Variants in PDE4D observed in about 807,000 individuals in gnomAD.
PDE4D encodes the protein phosphodiesterase 4D, also known as 3',5'-cyclic-AMP phosphodiesterase 4D.
PDE4D carries 24 observed loss-of-function variants against 87.4 expected under a neutral mutation model. The ratio of observed to expected loss-of-function variants is 0.27; its 90% CI spans 0.20 to 0.39. The LOEUF (loss-of-function observed/expected upper bound fraction) is 0.39. Ranked by LOEUF, PDE4D falls within the 10% of genes least tolerant of loss-of-function variation. PDE4D has a pLI of 1.00. For missense variants in PDE4D, 714 were observed against 1,041.0 expected (o/e 0.69, Z 4.32); for synonymous variants, 384 against 383.2 (o/e 1.00, Z -0.02).
At chr5:59,373,616 T>G (rs1420789407) in intron 1 of PDE4D, among the ~76,000 whole-genome samples, 1 of 151,960 alleles carries the variant, frequency 6.6e-6, no homozygotes, top group African/African-American at 2.4e-5. Context: ...TATTTCAGAG[T>G]GTTATCCATG....
intron 1 of PDE4D, among the ~76,000 whole-genome samples, chr5:59,881,336 T>C (rs1180455242): frequency 6.6e-6 from 1 of 152,146 alleles, no homozygotes; most frequent in African/African-American, 2.4e-5. Context: ...ACATTGAAAT[T>C]AGTATCTAAT....
chr5:60,231,343 A>G (rs1291853953), intron 1 of PDE4D, among the ~76,000 whole-genome samples: 2 of 151,992 alleles, frequency 1.3e-5, no homozygotes, highest in African/African-American at 2.4e-5. Flanking sequence ...CTATTGTTCT[A>G]TTGAGGTTGC....
intron 1 of PDE4D, among the ~76,000 whole-genome samples, chr5:59,763,558 A>C (rs1178247960): frequency 6.6e-6 from 1 of 152,164 alleles, no homozygotes; most frequent in Non-Finnish European, 1.5e-5. Flanking sequence ...TAGGCCTTAC[A>C]CCCCAAAACT....
intron 1 of PDE4D, among the ~76,000 whole-genome samples, chr5:59,761,448 TG>T (rs1761956003): frequency 6.6e-6 from 1 of 152,330 alleles, no homozygotes; most frequent in South Asian, 2.1e-4. Flanking sequence ...TTTAATTTTT[TG>T]GCTCTTTTGT....
At chr5:59,734,961 A>G (rs1332394076) in intron 1 of PDE4D, among the ~76,000 whole-genome samples, 1 of 152,192 alleles carries the variant, frequency 6.6e-6, no homozygotes, top group Non-Finnish European at 1.5e-5. Context: ...GGAATTACAT[A>G]CTTTCACAAG....
chr5:60,165,526 T>G (rs553833888), intron 2 of PDE4D, among the ~76,000 whole-genome samples: 30 of 151,938 alleles, frequency 2.0e-4, no homozygotes, highest in African/African-American at 7.0e-4. Flanking sequence ...ATTTTAAAAT[T>G]TCTTTACTTC....
At chr5:60,439,752 G>A (rs573268667) in intron 1 of PDE4D, among the ~76,000 whole-genome samples, 1 of 151,978 alleles carries the variant, frequency 6.6e-6, no homozygotes, top group East Asian at 1.9e-4. Context: ...TGCCAGTTGA[G>A]CCCCGGCCAT....
intron 1 of PDE4D, chr5:59,216,622 C>T (rs1215327507): frequency 1.3e-5 from 2 of 154,678 alleles, no homozygotes; most frequent in Non-Finnish European, 2.9e-5. Flanking sequence ...CCAGTCTAAC[C>T]ATCTGCTCTC....
intron 1 of PDE4D, among the ~76,000 whole-genome samples, chr5:60,198,606 T>C (rs573658783): frequency 6.6e-6 from 1 of 151,678 alleles, no homozygotes; most frequent in Non-Finnish European, 1.5e-5. Context: ...ATAACCACTG[T>C]ACCTAACTCT....
At chr5:60,478,317 A>T (rs1380463679) in intron 1 of PDE4D, among the ~76,000 whole-genome samples, 1 of 152,026 alleles carries the variant, frequency 6.6e-6, no homozygotes, top group Non-Finnish European at 1.5e-5. Context: ...AAATGGGGTG[A>T]TTTTTTTTAC....
intron 3 of PDE4D, among the ~76,000 whole-genome samples, chr5:59,190,928 TA>T (rs892382380): frequency 4.6e-5 from 7 of 151,946 alleles, no homozygotes; most frequent in African/African-American, 1.7e-4. Context: ...TGAAGCCCCT[TA>T]AAAAAAATCG....
chr5:59,781,475 T>TCAA (rs1418234562), intron 1 of PDE4D, among the ~76,000 whole-genome samples: 2 of 151,804 alleles, frequency 1.3e-5, no homozygotes, highest in African/African-American at 4.8e-5. Flanking sequence ...TTGTAGACAG[T>TCAA]CAACACCATT....
At chr5:58,990,717 T>A (rs1246792805) in intron 9 of PDE4D, 87 bp downstream of exon 9, 13 of 722,828 alleles carry the variant, frequency 1.8e-5, no homozygotes, top group Non-Finnish European at 3.0e-5. Flanking sequence ...GTGGGGAATA[T>A]TAAAAAAGAC....
chr5:60,324,546 GA>G (rs1260547813), intron 1 of PDE4D, among the ~76,000 whole-genome samples: 1 of 152,204 alleles, frequency 6.6e-6, no homozygotes, highest in Non-Finnish European at 1.5e-5. Context: ...GCTGAGGCGG[GA>G]GAATCACTTG....
chr5:59,347,729 A>G (rs560527568), intron 1 of PDE4D, among the ~76,000 whole-genome samples: 1 of 152,158 alleles, frequency 6.6e-6, no homozygotes, highest in African/African-American at 2.4e-5. Context: ...TCCTTGTTTT[A>G]CTTTCCCTCA....
intron 6 of PDE4D, among the ~76,000 whole-genome samples, chr5:59,022,600 T>G (rs1320610579): frequency 6.6e-6 from 1 of 152,122 alleles, no homozygotes; most frequent in Non-Finnish European, 1.5e-5. Context: ...TCCAAATCCT[T>G]TACAGCTCAG....
At chr5:59,361,159 C>T (rs944775541) in intron 1 of PDE4D, among the ~76,000 whole-genome samples, 2 of 151,726 alleles carry the variant, frequency 1.3e-5, no homozygotes, top group African/African-American at 2.4e-5. Context: ...ATAAAGCCTA[C>T]TTGGATAAAT....
At chr5:60,106,298 G>A (rs983672436) in intron 2 of PDE4D, among the ~76,000 whole-genome samples, 3 of 151,894 alleles carry the variant, frequency 2.0e-5, no homozygotes, top group African/African-American at 7.3e-5. Context: ...AATTCAACAA[G>A]AAGAGCTAAC....
intron 1 of PDE4D, among the ~76,000 whole-genome samples, chr5:59,790,527 G>A (rs1044265995): frequency 2.6e-5 from 4 of 152,176 alleles, no homozygotes; most frequent in African/African-American, 9.7e-5. Context: ...GTGAAAATGT[G>A]CTCTGATGCC....
Sources: allele counts gnomAD v4.1 joint callset (sites outside exome capture counted in the v4.1 genomes callset), GRCh38; gene constraint gnomAD v4.1.1; transcripts MANE v1.5; gene names NCBI Gene and HGNC (gene_info 2026-07-23, HGNC 2026-07-21).